The following KLF15 variants were observed in gnomAD, a reference collection of about 807,000 sequenced individuals.
KLF15 encodes KLF transcription factor 15, also known as Krueppel-like factor 15.
A neutral mutation model predicts 24.6 loss-of-function variants in KLF15; 4 were observed. That is an observed-to-expected ratio of 0.16 (90% confidence interval 0.08 to 0.37). KLF15 has a LOEUF of 0.37. KLF15 is among the 10% of genes least tolerant of loss of function. The pLI is 1.00. For synonymous variants in KLF15, 246 were observed against 236.3 expected, an observed-to-expected ratio of 1.04 and a Z score of -0.37; for missense variants, 496 against 560.6, an observed-to-expected ratio of 0.88 and a Z score of 1.16.
At chr3:126,289,033 G>A in the KLF15 span, 1 of 152,144 alleles carries the variant, frequency 6.6e-6, no homozygotes, top group Non-Finnish European at 1.5e-5. Context: ...ACAGATTCAT[G>A]TTTATGGGGA....
At chr3:126,311,861 G>T in the KLF15 span, among the ~76,000 whole-genome samples, 1 of 152,202 alleles carries the variant, frequency 6.6e-6, no homozygotes, top group Admixed American at 6.5e-5. Flanking sequence ...CAGCCCTGCT[G>T]CTATCAACTG....
chr3:126,294,330 G>A, the KLF15 span, among the ~76,000 whole-genome samples: 2 of 152,046 alleles, frequency 1.3e-5, no homozygotes, highest in East Asian at 1.9e-4. Context: ...ATGCTTTAAG[G>A]CTACACAGAG....
chr3:126,291,760 G>A, the KLF15 span, among the ~76,000 whole-genome samples: 3 of 152,250 alleles, frequency 2.0e-5, no homozygotes, highest in African/African-American at 7.2e-5. Context: ...ACCCAGGAAT[G>A]TTAGGGATGA....
chr3:126,348,807 TG>T (rs2082558531), intron 2 of KLF15, among the ~76,000 whole-genome samples: 1 of 152,150 alleles, frequency 6.6e-6, no homozygotes, highest in Admixed American at 6.5e-5. Context: ...TGTGGGTCTA[TG>T]GGCCAGAACG....
the KLF15 span, among the ~76,000 whole-genome samples, chr3:126,333,755 C>T: frequency 1.0e-5 from 1 of 99,640 alleles, no homozygotes; most frequent in Non-Finnish European, 2.0e-5. Context: ...AAACAAAAAA[C>T]GGCAGGGGTT....
chr3:126,355,553 C>A lies in KLF15; in HGVS notation c.-26+1684G>T, dbSNP rs189197493. ...CTCCAGGCCCACTCTGTTACATCAT[C>A]CTATATTATACTCTTCCCTGCAGTT... is the stretch of plus-strand genomic sequence containing the variant. On this transcript the variant is annotated intron_variant, in intron 1 of 2. Transcript: ENST00000296233. Among the ~76,000 whole-genome samples, 467 of 152,352 alleles carry A rather than the reference C, an allele frequency of 3.1e-3. 1 individual carries two copies. Among genetic ancestry groups the A allele is most frequent in the Non-Finnish European group, 5.1e-3 (348 of 68,034 alleles).
At chr3:126,326,824 TTAA>T in the KLF15 span, among the ~76,000 whole-genome samples, 2 of 152,214 alleles carry the variant, frequency 1.3e-5, no homozygotes, top group African/African-American at 4.8e-5. Flanking sequence ...TTAAATTATT[TTAA>T]TAATTTTAAT....
At chr3:126,320,039 A>T in the KLF15 span, among the ~76,000 whole-genome samples, 2 of 152,164 alleles carry the variant, frequency 1.3e-5, no homozygotes, top group South Asian at 4.1e-4. Context: ...GGATCAGTGT[A>T]GACCAGGCTT....
the KLF15 span, among the ~76,000 whole-genome samples, chr3:126,289,493 AT>A: frequency 6.6e-6 from 1 of 152,238 alleles, no homozygotes; most frequent in Non-Finnish European, 1.5e-5. Context: ...ATGGGTAAGG[AT>A]TTAACAGGCA....
chr3:126,323,403 T>TTATATA, the KLF15 span, among the ~76,000 whole-genome samples: 30 of 50,830 alleles, frequency 5.9e-4, no homozygotes, highest in African/African-American at 2.7e-3. Flanking sequence ...GCCCCAGTAG[T>TTATATA]TATATATATA....
In KLF15 at chr3:126,352,084, C is replaced by T. The variant is rs367640802; in HGVS notation, c.839G>A (p.Arg280His). The T allele has an allele frequency of 2.0e-5, 31 of 1,543,846 alleles. No individual in the cohort carries two copies. The highest frequency in any genetic ancestry group is 6.8e-5 in the African/African-American group (5 of 73,316). The change falls in exon 2 of 3, where the codon CGC becomes CAC. Residue 280 changes from arginine (R) to histidine (H), a missense_variant. By Grantham distance (29) the Arg-to-His change is conservative. Around this residue, in one of 3 missense-constraint regions of KLF15, gnomAD observed 399 missense variants for 423.1 expected, o/e 0.94. Transcript: ENST00000296233. The stretch of plus-strand genomic sequence containing the variant: ...GGCGGCAATGGGCACAGGGGCAATG[C>T]GCACAAACTTGGAGGGCAGGTTCAA... ...SNLNLPSKFV[R>H]IAPVPIAAKP...
rs778037033 is a variant in KLF15, at chr3:126,352,311, G to A, written c.612C>T (p.Ala204=). 2 of 1,557,738 alleles carry A rather than the reference G, an allele frequency of 1.3e-6. No homozygotes were observed. The highest frequency in any genetic ancestry group is 4.5e-5 in the East Asian group (2 of 44,546). ...PPPGGASAGG[A]QGPGGGPTPD... ...GCGTGGGGCCCCCACCTGGGCCCTG[G>A]GCACCTCCTGCACTGGCACCACCTG... Residue 204 remains alanine (A), a synonymous_variant, in exon 2 of 3, where the codon GCC becomes GCT. Transcript: ENST00000296233.
the KLF15 span, among the ~76,000 whole-genome samples, chr3:126,308,409 A>G: frequency 2.0e-4 from 30 of 151,244 alleles, no homozygotes; most frequent in Admixed American, 5.2e-4. Flanking sequence ...CAGCCAAGGA[A>G]ATCCCCCAAA....
intron 1 of KLF15, among the ~76,000 whole-genome samples, chr3:126,357,030 GGC>G (rs1218800909): frequency 7.3e-5 from 11 of 151,178 alleles, no homozygotes; most frequent in African/African-American, 2.7e-4. Flanking sequence ...GGGCGACCGG[GGC>G]GGGGGGGGTC....
chr3:126,303,751 G>T, the KLF15 span, among the ~76,000 whole-genome samples: 1 of 151,010 alleles, frequency 6.6e-6, no homozygotes, highest in Non-Finnish European at 1.5e-5. Context: ...CTCTTGTTTG[G>T]GAATCCTAAT....
At chr3:126,321,660 T>G in the KLF15 span, among the ~76,000 whole-genome samples, 1 of 152,212 alleles carries the variant, frequency 6.6e-6, no homozygotes, top group Non-Finnish European at 1.5e-5. Flanking sequence ...GAGTGCAGTG[T>G]CCACTAGTGG....
intron 2 of KLF15, 116 bp downstream of exon 2, chr3:126,351,725 C>T: frequency 1.1e-6 from 1 of 876,490 alleles, no homozygotes; most frequent in Non-Finnish European, 1.6e-6. Context: ...CCTGCCCCTC[C>T]CTCCCCTCCC....
the KLF15 span, among the ~76,000 whole-genome samples, chr3:126,293,144 TAAAA>T: frequency 8.4e-6 from 1 of 118,576 alleles, no homozygotes; most frequent in Non-Finnish European, 1.7e-5. Flanking sequence ...ACTGCATCTC[TAAAA>T]AAAAAAAAAA....
the KLF15 span, among the ~76,000 whole-genome samples, chr3:126,319,717 T>A: frequency 1.9e-3 from 297 of 152,336 alleles, no homozygotes; most frequent in African/African-American, 6.7e-3. Flanking sequence ...TACGGGCATA[T>A]CAAGGCTTTT....
Sources: allele counts gnomAD v4.1 joint callset (sites outside exome capture counted in the v4.1 genomes callset), GRCh38; gene constraint gnomAD v4.1.1; regional missense constraint gnomAD v4.1.1; transcripts MANE v1.5; gene names NCBI Gene and HGNC (gene_info 2026-07-23, HGNC 2026-07-21).